Variants in DUOX2 observed in about 807,000 individuals in gnomAD.
DUOX2 encodes the protein NADH/NADPH thyroid oxidase p138-tox.
Under a neutral mutation model 183.3 loss-of-function variants are expected in DUOX2, and 185 were observed. That is an observed-to-expected ratio of 1.01 (90% CI 0.90 to 1.14). The LOEUF (loss-of-function observed/expected upper bound fraction) is 1.14. Among genes scored for constraint, DUOX2 ranks in the 50% most tolerant of loss-of-function variants. The probability of loss-of-function intolerance (pLI) is 0.00; values close to 1 mark genes in which losing one functional copy is unlikely to be tolerated. For synonymous variants in DUOX2, 788 were observed against 812.4 expected, an observed-to-expected ratio of 0.97 and a Z score of 0.51; for missense variants, 1,999 against 2,022.9, an observed-to-expected ratio of 0.99 and a Z score of 0.23.
intron 21 of DUOX2, 34 bp from the exon 22 acceptor site, chr15:45,101,308 C>T (rs1287536627): frequency 1.3e-6 from 2 of 1,587,464 alleles, no homozygotes; most frequent in Admixed American, 3.4e-5. Flanking sequence ...GACTGGCTTC[C>T]CCACAAGGGC....
At chr15:45,107,033 C>G in intron 14 of DUOX2, 64 bp from the exon 15 acceptor site, 2 of 1,551,376 alleles carry the variant, frequency 1.3e-6, no homozygotes, top group Non-Finnish European at 8.7e-7. Flanking sequence ...AGACCTCTTT[C>G]CCCTCTATCC....
rs185660553 is a variant in DUOX2 at position 45,099,319 on chromosome 15, C to A, written c.3515+64G>T. Reference sequence around the variant, plus strand: ...GCCACCGCGCCCGGCCTGCCTATTTCTTTTTCTATTATACCCTTGGGCCCA... The same window carrying A: ...GCCACCGCGCCCGGCCTGCCTATTTATTTTTCTATTATACCCTTGGGCCCA... On this transcript the variant is annotated intron_variant, in intron 26 of 33. Coordinates refer to ENST00000389039, the MANE Select transcript of DUOX2 (RefSeq NM_001363711.2). 377 of 1,511,164 alleles carry A rather than the reference C, an allele frequency of 2.5e-4. 1 individual carries two copies. The African/African-American group carries it at 4.7e-3, about 19-fold the overall frequency. The allele number at this position is 1,511,164 out of a possible 1,614,324, so 93.6% of individuals were successfully genotyped here.
rs775445309 is a variant in DUOX2, at chr15:45,095,070, G to A, written c.4261C>T (p.Arg1421Trp). 13 of 1,613,982 alleles carry A rather than the reference G, an allele frequency of 8.1e-6. No individual in the cohort carries two copies. The highest frequency in any genetic ancestry group is 1.7e-4 in the Middle Eastern group (1 of 5,950). Residue 1421 changes from arginine to tryptophan, a missense_variant, in exon 32 of 34, where the codon CGG (arginine) becomes TGG (tryptophan). Around this residue, in one of 3 missense-constraint regions of DUOX2, gnomAD observed 1,628 missense variants for 1,608.6 expected, o/e 1.01. Coordinates refer to ENST00000389039, the MANE Select transcript of DUOX2 (RefSeq NM_001363711.2). The part of the protein sequence containing the change: ...CKKIYFIWVT[R>W]TQRQFEWLAD... ...AGCCACTCAAACTGACGCTGGGTCCGTGTCACCCAGATGAAGTAGATCTGG... is the reference window on the plus strand; with the variant it reads ...AGCCACTCAAACTGACGCTGGGTCCATGTCACCCAGATGAAGTAGATCTGG...
In DUOX2 at chr15:45,108,698, T is replaced by C. The variant is rs1335140521; in HGVS notation, c.1398+91A>G. On this transcript the variant is annotated intron_variant, in intron 12 of 33. Coordinates refer to ENST00000389039, the MANE Select transcript of DUOX2 (RefSeq NM_001363711.2). ...ATACATACCTTACAATATTATTATG[T>C]AGATTAAATGAGTCAACATATGTAA... is the stretch of plus-strand genomic sequence containing the variant. 2.2e-6 allele frequency: 3 copies of C among 1,349,406 alleles called. No homozygotes were observed. In the African/African-American group the frequency reaches 4.3e-5, roughly 19 times the overall value. The allele number at this position is 1,349,406 out of a possible 1,614,324, so 83.6% of individuals were successfully genotyped here. A position where few individuals can be genotyped will look rare whatever the true frequency, so the allele number is the denominator to read the frequency against.
Position 45,094,135 on chromosome 15 carries a change from C to T in DUOX2, c.*15G>A. 6.2e-7 allele frequency: 1 copy of T among 1,614,110 alleles called. No individual in the cohort carries two copies. Among genetic ancestry groups the T allele is most frequent in the Non-Finnish European group, 8.5e-7 (1 of 1,180,016 alleles). The stretch of plus-strand genomic sequence containing the variant: ...GAAGGCAGGATACTGGAAGCAGCAG[C>T]CAGGGAGGACAGGCTCAGAAGTTCT... On this transcript the variant is annotated 3_prime_UTR_variant, in exon 34 of 34. Transcript: ENST00000389039.
rs1894250435 is a variant in DUOX2, at chr15:45,107,454, G to A, written c.1584C>T (p.Ser528=). ...TTCGGATGTCTTCAATCTCCTTCTT[G>A]GAGAACAGCCTAAGTTGGAGGAAGT... ...WFENTRNGLF[S]KKEIEDIRNT... is the part of the protein sequence containing the mutation. Residue 528 remains serine (S), a synonymous_variant, in exon 14 of 34, where the codon TCC becomes TCT. Coordinates refer to ENST00000389039, the MANE Select transcript of DUOX2 (RefSeq NM_001363711.2). 3.1e-6 allele frequency: 5 copies of A among 1,614,004 alleles called. No homozygotes were observed. The highest frequency in any genetic ancestry group is 1.3e-5 in the African/African-American group (1 of 74,920).
Position 45,094,679 on chromosome 15 carries a change from G to A in DUOX2, c.4408C>T (p.Arg1470Trp), listed in dbSNP as rs200785525. ...CGGTTCAGCACTTTCTGGAAGTGCCGCTCGCAGATGTACTGGGGGCACAGG... is the reference window on the plus strand; with the variant it reads ...CGGTTCAGCACTTTCTGGAAGTGCCACTCGCAGATGTACTGGGGGCACAGG... ...LRTTMLYICERHFQKVLNRSL... is the reference protein window; with the variant it reads ...LRTTMLYICEWHFQKVLNRSL... Residue 1470 changes from arginine (R) to tryptophan (W), a missense_variant, in exon 33 of 34, where the codon CGG (arginine) becomes TGG (tryptophan). Arg to Trp is a moderately radical substitution (Grantham distance 101). This residue lies in a region of DUOX2 where 1,628 missense variants were observed against 1,608.6 expected (regional missense o/e 1.01). Transcript: ENST00000389039. The A allele has an allele frequency of 5.9e-5, 95 of 1,613,974 alleles. No individual in the cohort carries two copies. The East Asian group carries it at 1.7e-3, about 29-fold the overall frequency.
Position 45,100,650 on chromosome 15 carries a change from G to C in DUOX2, c.3005+105C>G, listed in dbSNP as rs182660526. 4.6e-4 allele frequency: 442 copies of C among 960,660 alleles called. 5 individuals carry two copies. The highest frequency in any genetic ancestry group is 4.3e-3 in the African/African-American group (272 of 62,554). The allele number at this position is 960,660 out of a possible 1,614,324, so 59.5% of individuals were successfully genotyped here. ...GTCAGGTCAGGAACAAATGGAATGA[G>C]ACTCAGGATGGTCGCTTATATGTCA... On this transcript the variant is annotated intron_variant, in intron 23 of 33. Transcript: ENST00000389039.
chr15:45,108,032 C>A lies in DUOX2; in HGVS notation c.1574+15G>T. On this transcript the variant is annotated intron_variant, in intron 13 of 33. Coordinates refer to ENST00000389039, the MANE Select transcript of DUOX2 (RefSeq NM_001363711.2). ...CTGAGGAGCAGTCTGAGGTGGGGGC[C>A]CAGGCAAGCCTTACCCATTCCTGGT... is the stretch of plus-strand genomic sequence containing the variant. The A allele has an allele frequency of 2.5e-6, 4 of 1,613,786 alleles. No individual in the cohort carries two copies. The highest frequency in any genetic ancestry group is 1.7e-5 in the Admixed American group (1 of 59,968).
chr15:45,106,074 A>G (rs560442830), intron 17 of DUOX2, 51 bp downstream of exon 17: 27 of 1,600,692 alleles, frequency 1.7e-5, no homozygotes, highest in South Asian at 3.3e-5. Context: ...CGCTTGTGAT[A>G]ATGGAGTCGT....
At chr15:45,109,137 G>T in intron 11 of DUOX2, 185 bp from the exon 12 acceptor site, 1 of 757,546 alleles carries the variant, frequency 1.3e-6, no homozygotes, top group Non-Finnish European at 2.2e-6. Flanking sequence ...GGTGATCAGA[G>T]CCAGTTTTTC....
chr15:45,113,482 C>T (rs1894511044), intron 1 of DUOX2, 57 bp from the exon 2 acceptor site: 5 of 1,345,718 alleles, frequency 3.7e-6, no homozygotes, highest in Non-Finnish European at 4.1e-6. Flanking sequence ...TTAGGGCGTC[C>T]TCTATGCCTC....
chr15:45,100,629 G>T lies in DUOX2; in HGVS notation c.3005+126C>A, dbSNP rs956922773. Reference sequence around the variant, plus strand: ...ATTCAACACTGTAACCTCTCAGTCAGGTCAGGAACAAATGGAATGAGACTC... The same window carrying T: ...ATTCAACACTGTAACCTCTCAGTCATGTCAGGAACAAATGGAATGAGACTC... On this transcript the variant is annotated intron_variant, in intron 23 of 33. Transcript: ENST00000389039. The T allele has an allele frequency of 1.3e-5, 11 of 865,870 alleles. No homozygotes were observed. The East Asian group carries it at 1.9e-4, about 15-fold the overall frequency. 53.6% of individuals were successfully genotyped at this position (865,870 alleles called of 1,614,324 possible). A position where few individuals can be genotyped will look rare whatever the true frequency, so the allele number is the denominator to read the frequency against.
intron 18 of DUOX2, among the ~76,000 whole-genome samples, chr15:45,104,596 A>C (rs1894166972): frequency 6.6e-6 from 1 of 152,172 alleles, no homozygotes; most frequent in Non-Finnish European, 1.5e-5. Context: ...CGGGAACTTC[A>C]TGCAGTGGGC....
chr15:45,108,405 C>T, intron 12 of DUOX2, 183 bp from the exon 13 acceptor site: 1 of 704,836 alleles, frequency 1.4e-6, no homozygotes, highest in East Asian at 2.7e-5. Context: ...GTGTCCCTAC[C>T]CACGGTAACA....
chr15:45,097,975 C>T lies in DUOX2; in HGVS notation c.3565+34G>A, dbSNP rs774014641. 24 of 1,610,596 alleles carry T rather than the reference C, an allele frequency of 1.5e-5. No homozygotes were observed. In the South Asian group the frequency reaches 1.9e-4, roughly 13 times the overall value. On this transcript the variant is annotated intron_variant, in intron 27 of 33. Coordinates refer to ENST00000389039, the MANE Select transcript of DUOX2 (RefSeq NM_001363711.2). The stretch of plus-strand genomic sequence containing the variant: ...AGAGATGGAGACAAAAGCAGAAGTC[C>T]TCAGACAGAACCCCCAGGTCCCACG...
intron 21 of DUOX2, 52 bp downstream of exon 21, chr15:45,101,741 T>A (rs1393710928): frequency 6.2e-7 from 1 of 1,613,000 alleles, no homozygotes; most frequent in Admixed American, 1.7e-5. Flanking sequence ...GGAACTCTCA[T>A]TTTGAGGACA....
At chr15:45,100,440 CCCT>C in intron 23 of DUOX2, 1 of 611,248 alleles carries the variant, frequency 1.6e-6, no homozygotes. Context: ...CTGCTACTCC[CCCT>C]CCTCCTGTCT....
chr15:45,100,644 G>A (rs1212301716), intron 23 of DUOX2, 111 bp downstream of exon 23: 3 of 937,132 alleles, frequency 3.2e-6, no homozygotes, highest in Non-Finnish European at 5.3e-6. Context: ...GGAACAAATG[G>A]AATGAGACTC....
Sources: allele counts gnomAD v4.1 joint callset (sites outside exome capture counted in the v4.1 genomes callset), GRCh38; gene constraint gnomAD v4.1.1; regional missense constraint gnomAD v4.1.1; transcripts MANE v1.5; gene names NCBI Gene and HGNC (gene_info 2026-07-23, HGNC 2026-07-21).